The following EVC variants were observed in gnomAD, a reference collection of about 807,000 sequenced individuals.
EVC encodes evC complex member EVC.
A neutral mutation model predicts 118.9 loss-of-function variants in EVC; 116 were observed. The observed-to-expected ratio is 0.98, with a 90% CI of 0.84 to 1.14. The LOEUF (loss-of-function observed/expected upper bound fraction) is 1.14, where lower values mean the gene tolerates loss of function less well. Among genes scored for constraint, EVC ranks in the 50% most tolerant of loss-of-function variants. The pLI is 0.00. For synonymous variants in EVC, 619 were observed against 534.7 expected, an observed-to-expected ratio of 1.16 and a Z score of -2.18; for missense variants, 1,401 against 1,246.4, an observed-to-expected ratio of 1.12 and a Z score of -1.87.
At chr4:5,828,060 G>T in the EVC span, 1 of 985,310 alleles carries the variant, frequency 1.0e-6, no homozygotes, top group Admixed American at 6.1e-5. Flanking sequence ...GATGCCAGGG[G>T]TAACACCTTG....
chr4:5,750,165 C>G (rs1652819389), intron 8 of EVC, among the ~76,000 whole-genome samples: 1 of 152,200 alleles, frequency 6.6e-6, no homozygotes, highest in Admixed American at 6.5e-5. Context: ...TCTCTAATGA[C>G]ATCGCTGAGC....
chr4:5,712,054 G>C (rs1279113789), intron 1 of EVC, among the ~76,000 whole-genome samples: 1 of 152,178 alleles, frequency 6.6e-6, no homozygotes. Context: ...CCAGTCACTG[G>C]CCTAGGGACG....
intron 7 of EVC, among the ~76,000 whole-genome samples, chr4:5,747,539 G>A (rs570023092): frequency 1.3e-5 from 2 of 152,300 alleles, no homozygotes; most frequent in East Asian, 1.9e-4. Context: ...AAGTTGCTCC[G>A]ATTCCTAGTG....
intron 5 of EVC, among the ~76,000 whole-genome samples, chr4:5,735,022 G>A (rs1727444257): frequency 6.6e-6 from 1 of 152,196 alleles, no homozygotes; most frequent in South Asian, 2.1e-4. Context: ...TGTCCACAGG[G>A]AGCAGCTTAC....
the EVC span, chr4:5,825,301 A>AC: frequency 9.1e-6 from 9 of 984,146 alleles, no homozygotes; most frequent in Non-Finnish European, 1.1e-5. This position sits in a 1 kb window ranked among gnomAD's most constrained non-coding sequence, Gnocchi z 4.4. Context: ...CCTAACATGG[A>AC]CCCCCCTCTG....
chr4:5,748,776 C>T (rs78487535), intron 8 of EVC, among the ~76,000 whole-genome samples: 1 of 38,524 alleles, frequency 2.6e-5, no homozygotes, highest in South Asian at 9.4e-4. Context: ...ATCCATCCAT[C>T]CACCCATCCA....
chr4:5,816,819 T>C (rs1301480289), downstream of EVC, among the ~76,000 whole-genome samples: 2 of 152,024 alleles, frequency 1.3e-5, no homozygotes, highest in East Asian at 2.0e-4. Context: ...CCAGTACACA[T>C]CTTGCCCACA....
intron 3 of EVC, among the ~76,000 whole-genome samples, chr4:5,729,933 G>C (rs1182982485): frequency 6.6e-6 from 1 of 152,198 alleles, no homozygotes; most frequent in Non-Finnish European, 1.5e-5. Flanking sequence ...CCCAACACCT[G>C]GCTATGGTTA....
chr4:5,713,424 C>T (rs1545787), intron 1 of EVC, among the ~76,000 whole-genome samples: 126,175 of 152,172 alleles, frequency 0.83, 52,612 homozygotes, highest in African/African-American at 0.91. Flanking sequence ...ATGCCTGTCA[C>T]CCCAGCACTT....
intron 12 of EVC, among the ~76,000 whole-genome samples, chr4:5,787,992 G>T (rs1712022509): frequency 6.6e-6 from 1 of 152,038 alleles, no homozygotes. Flanking sequence ...TCTCCTCCCA[G>T]CTCACTTCTT....
rs1413655535 is a variant in EVC at position 5,742,635 on chromosome 4, T to C, written c.801+821T>C. Among the ~76,000 whole-genome samples, 1 of 152,180 alleles carries C rather than the reference T, an allele frequency of 6.6e-6. No homozygotes were observed. Among genetic ancestry groups the C allele is most frequent in the African/African-American group, 2.4e-5 (1 of 41,450 alleles). Reference sequence around the variant, plus strand: ...ATCACCAACACCATCACCATCCTCATGTCCTCATTACCATCATCATGAGCA... The same window carrying C: ...ATCACCAACACCATCACCATCCTCACGTCCTCATTACCATCATCATGAGCA... On this transcript the variant is annotated intron_variant, in intron 6 of 20. Coordinates refer to ENST00000264956, the MANE Select transcript of EVC (RefSeq NM_153717.3). This position sits in a 1 kb window ranked among gnomAD's most constrained non-coding sequence, Gnocchi z 5.2.
chr4:5,724,889 C>G (rs1478564120), intron 2 of EVC, among the ~76,000 whole-genome samples: 3 of 152,054 alleles, frequency 2.0e-5, no homozygotes, highest in Non-Finnish European at 4.4e-5. Flanking sequence ...TCGCCCCCGA[C>G]AGGCCCCAGT....
rs557041320 is a variant in EVC at position 5,724,486 on chromosome 4, A to G, written c.301-4821A>G. Reference sequence around the variant, plus strand: ...TTGCTGTTATTCACATCATGTTGACAGAGCCAGCATGGCATCAGCTAAAGA... The same window carrying G: ...TTGCTGTTATTCACATCATGTTGACGGAGCCAGCATGGCATCAGCTAAAGA... On this transcript the variant is annotated intron_variant, in intron 2 of 20. Transcript: ENST00000264956. Among the ~76,000 whole-genome samples the G allele has an allele frequency of 3.9e-5, 6 of 152,326 alleles. No individual in the cohort carries two copies. The East Asian group carries it at 1.2e-3, about 29-fold the overall frequency.
chr4:5,757,184 C>T (rs182870008), intron 11 of EVC, among the ~76,000 whole-genome samples: 35 of 152,268 alleles, frequency 2.3e-4, no homozygotes, highest in African/African-American at 7.9e-4. Context: ...AGCTGGCACT[C>T]GGAACACCCC....
intron 2 of EVC, among the ~76,000 whole-genome samples, chr4:5,726,540 C>G (rs2151899352): frequency 6.7e-6 from 1 of 150,366 alleles, no homozygotes; most frequent in South Asian, 2.1e-4. Context: ...CTATGCAAAG[C>G]AGCCCACTGA....
At chr4:5,751,162 A>AT (rs994586056) in intron 8 of EVC, among the ~76,000 whole-genome samples, 47 of 152,282 alleles carry the variant, frequency 3.1e-4, no homozygotes, top group African/African-American at 1.1e-3. Flanking sequence ...TGCTTCACGT[A>AT]TTTTGACTTA....
At chr4:5,767,721 C>A (rs1031388803) in intron 11 of EVC, among the ~76,000 whole-genome samples, 2 of 152,194 alleles carry the variant, frequency 1.3e-5, no homozygotes, top group African/African-American at 2.4e-5. Context: ...TGACCCCTTG[C>A]GCTTCCCAAG....
intron 2 of EVC, among the ~76,000 whole-genome samples, chr4:5,727,983 G>A (rs1489733867): frequency 6.0e-5 from 9 of 150,764 alleles, no homozygotes; most frequent in Non-Finnish European, 1.2e-4. Flanking sequence ...TAGACTTGTA[G>A]TATAGTTTGA....
At chr4:5,725,707 G>T (rs1041211674) in intron 2 of EVC, among the ~76,000 whole-genome samples, 1 of 152,172 alleles carries the variant, frequency 6.6e-6, no homozygotes, top group Admixed American at 6.5e-5. Context: ...TTGCTGTGCA[G>T]AAGCTCTTTA....
Sources: allele counts gnomAD v4.1 joint callset (sites outside exome capture counted in the v4.1 genomes callset), GRCh38; gene constraint gnomAD v4.1.1; non-coding constraint Gnocchi (gnomAD v3.1); transcripts MANE v1.5; gene names NCBI Gene and HGNC (gene_info 2026-07-23, HGNC 2026-07-21).